PAPOLA: variants seen among roughly 807,000 people sequenced by gnomAD.
PAPOLA encodes poly(A) polymerase alpha, also known as polynucleotide adenylyltransferase alpha.
Under a neutral mutation model 100.6 loss-of-function variants are expected in PAPOLA, and 15 were observed. That is an observed-to-expected ratio of 0.15 (90% CI 0.10 to 0.23). The LOEUF (loss-of-function observed/expected upper bound fraction) is 0.23, where lower values mean the gene tolerates loss of function less well. Among genes scored for constraint, PAPOLA ranks in the 10% least tolerant of loss-of-function variants. The pLI is 1.00. For missense variants in PAPOLA, 533 were observed against 884.2 expected, an observed-to-expected ratio of 0.60 and a Z score of 5.04; for synonymous variants, 293 against 300.0, an observed-to-expected ratio of 0.98 and a Z score of 0.24.
chr14:96,533,474 C>T, intron 9 of PAPOLA: 1 of 983,606 alleles, frequency 1.0e-6, no homozygotes, highest in Non-Finnish European at 1.2e-6. Flanking sequence ...CTTTTCAGTA[C>T]ACATTCTGGC....
chr14:96,562,416 T>C (rs1239543124), intron 20 of PAPOLA: 3 of 152,480 alleles, frequency 2.0e-5, no homozygotes, highest in South Asian at 2.0e-4. Flanking sequence ...TATTTAGTAG[T>C]ATTGAATAAG....
intron 3 of PAPOLA, among the ~76,000 whole-genome samples, chr14:96,523,681 T>C (rs909710864): frequency 6.6e-5 from 10 of 152,124 alleles, no homozygotes; most frequent in African/African-American, 2.2e-4. Flanking sequence ...CGCAGTGGCT[T>C]ACGCCTGTAA....
rs1181125684 is a variant in PAPOLA, at chr14:96,547,815, A to G, written c.1418A>G (p.Asn473Ser). 6.2e-7 allele frequency: 1 copy of G among 1,608,600 alleles called. No individual in the cohort carries two copies. The highest frequency in any genetic ancestry group is 1.1e-5 in the South Asian group (1 of 90,072). The change falls in exon 16 of 22, where the codon AAC (asparagine) becomes AGC (serine). Residue 473 changes from asparagine to serine, a missense_variant. Physicochemically the swap from Asn to Ser is conservative, Grantham distance 46. Coordinates refer to ENST00000216277, the MANE Select transcript of PAPOLA (RefSeq NM_032632.5). The stretch of plus-strand genomic sequence containing the variant: ...TGTATAGTTTATAGGCAAGCAATAA[A>G]CAGCAAGATGTTTGAGGTGGATATG... ...FTDTVYRQAI[N>S]SKMFEVDMKI...
Position 96,520,195 on chromosome 14 carries a change from G to A in PAPOLA, c.149G>A (p.Gly50Glu). Residue 50 changes from glycine (G) to glutamate (E), a missense_variant, in exon 2 of 22, where the codon GGG (glycine) becomes GAG (glutamate). Physicochemically the swap from Gly to Glu is moderately conservative, Grantham distance 98. This residue lies in a region of PAPOLA where 54 missense variants were observed against 133.2 expected (regional missense o/e 0.41). Transcript: ENST00000216277. ...CTAATTGAGACATTGAAACCCTTTG[G>A]GGTTTTTGAAGAGGAAGAGGAACTG... ...QKLIETLKPF[G>E]VFEEEEELQR... 6.2e-7 allele frequency: 1 copy of A among 1,613,654 alleles called. No individual in the cohort carries two copies. Among genetic ancestry groups the A allele is most frequent in the East Asian group, 2.2e-5 (1 of 44,888 alleles).
Position 96,565,273 on chromosome 14 carries a change from A to C in PAPOLA, c.*223A>C, listed in dbSNP as rs528570418. Reference sequence around the variant, plus strand: ...TGTGTTAGCAACAGTTGCATTAACTATTTCAAAAATTACTGCCTTTAAAAA... The same window carrying C: ...TGTGTTAGCAACAGTTGCATTAACTCTTTCAAAAATTACTGCCTTTAAAAA... On this transcript the variant is annotated 3_prime_UTR_variant, in exon 22 of 22. Coordinates refer to ENST00000216277, the MANE Select transcript of PAPOLA (RefSeq NM_032632.5). 9.0e-5 allele frequency: 37 copies of C among 412,566 alleles called. No homozygotes were observed. Among genetic ancestry groups the C allele is most frequent in the African/African-American group, 7.3e-4 (37 of 50,546 alleles). The allele number at this position is 412,566 out of a possible 1,614,324, so 25.6% of individuals were successfully genotyped here. A position where few individuals can be genotyped will look rare whatever the true frequency, so the allele number is the denominator to read the frequency against.
intron 15 of PAPOLA, among the ~76,000 whole-genome samples, chr14:96,545,362 T>C (rs982758702): frequency 6.6e-6 from 1 of 152,068 alleles, no homozygotes; most frequent in Non-Finnish European, 1.5e-5. Flanking sequence ...TTATGTAGAA[T>C]CGCGAGCAGT....
At chr14:96,523,835 C>T (rs954390755) in intron 3 of PAPOLA, among the ~76,000 whole-genome samples, 2 of 151,854 alleles carry the variant, frequency 1.3e-5, no homozygotes, top group African/African-American at 4.8e-5. Flanking sequence ...CCCAGCTACT[C>T]AGGAGGCTGA....
intron 1 of PAPOLA, among the ~76,000 whole-genome samples, chr14:96,511,215 C>A (rs183567194): frequency 1.3e-5 from 2 of 152,274 alleles, no homozygotes; most frequent in East Asian, 3.9e-4. Context: ...GTTCCAAATG[C>A]CTAATATCAC....
intron 19 of PAPOLA, chr14:96,560,360 C>A: frequency 4.6e-6 from 1 of 219,012 alleles, no homozygotes; most frequent in Non-Finnish European, 8.8e-6. Context: ...TTTTTCTTTT[C>A]CTTACAAAAT....
intron 12 of PAPOLA, among the ~76,000 whole-genome samples, chr14:96,540,986 T>A (rs1420648790): frequency 6.6e-6 from 1 of 152,170 alleles, no homozygotes; most frequent in Non-Finnish European, 1.5e-5. Context: ...GCCTCCTGGG[T>A]TCATGCCATT....
At chr14:96,536,943 G>T (rs765160878) in intron 11 of PAPOLA, 33 bp from the exon 12 acceptor site, 1 of 1,169,464 alleles carries the variant, frequency 8.6e-7, no homozygotes, top group Non-Finnish European at 1.3e-6. Context: ...GTAGACTGAA[G>T]TATGCAAACA....
At chr14:96,509,987 A>G (rs1195650353) in intron 1 of PAPOLA, among the ~76,000 whole-genome samples, 2 of 81,466 alleles carry the variant, frequency 2.5e-5, no homozygotes, top group East Asian at 6.5e-4. Context: ...TTTTTTTTTA[A>G]TCTTTGGATT....
intron 19 of PAPOLA, chr14:96,560,342 CTTT>C: frequency 5.1e-6 from 1 of 196,220 alleles, no homozygotes; most frequent in Non-Finnish European, 1.0e-5. Flanking sequence ...ATCAGGAACT[CTTT>C]TTTTTTTTTC....
intron 20 of PAPOLA, 176 bp from the exon 21 acceptor site, chr14:96,562,643 A>G (rs1901949735): frequency 4.5e-6 from 2 of 445,288 alleles, no homozygotes; most frequent in Non-Finnish European, 8.2e-6. Flanking sequence ...AATATCTGAA[A>G]TGGTGAAATA....
chr14:96,529,097 A>G (rs1898761023), intron 6 of PAPOLA, among the ~76,000 whole-genome samples: 1 of 152,216 alleles, frequency 6.6e-6, no homozygotes, highest in Non-Finnish European at 1.5e-5. Context: ...TTAATTTTCT[A>G]TTATACATGC....
intron 5 of PAPOLA, 59 bp from the exon 6 acceptor site, chr14:96,527,894 A>T: frequency 1.7e-6 from 2 of 1,181,938 alleles, no homozygotes; most frequent in Non-Finnish European, 2.5e-6. Flanking sequence ...AAGTACTAAA[A>T]CTAGTAGAGG....
chr14:96,504,036 G>T (rs986657658), intron 1 of PAPOLA, among the ~76,000 whole-genome samples: 1 of 152,158 alleles, frequency 6.6e-6, no homozygotes, highest in Non-Finnish European at 1.5e-5. Context: ...TCTGTTTATT[G>T]ATTTTTCCCT....
At chr14:96,539,220 T>C (rs1425858736) in intron 12 of PAPOLA, among the ~76,000 whole-genome samples, 1 of 152,146 alleles carries the variant, frequency 6.6e-6, no homozygotes, top group Non-Finnish European at 1.5e-5. Context: ...GGAAAACCAA[T>C]GTATTCTCTA....
rs1902261269 is a variant in PAPOLA at position 96,566,252 on chromosome 14, A to G, written c.*1202A>G. 1 of 225,724 alleles carries G rather than the reference A, an allele frequency of 4.4e-6. No individual in the cohort carries two copies. Among genetic ancestry groups the G allele is most frequent in the African/African-American group, 2.2e-5 (1 of 44,526 alleles). 14.0% of individuals were successfully genotyped at this position (225,724 alleles called of 1,614,324 possible). ...TTTTACGTGTAGAAGCATTTTAAAA[A>G]TCATTTCTAGCAAGCACTTGACATC... is the stretch of plus-strand genomic sequence containing the variant. On this transcript the variant is annotated 3_prime_UTR_variant, in exon 22 of 22. Transcript: ENST00000216277.
Sources: gnomAD v4.1 joint callset for allele counts (sites outside exome capture counted in the v4.1 genomes callset) on GRCh38, gnomAD v4.1.1 for gene constraint, gnomAD v4.1.1 regional missense constraint, MANE v1.5 for transcripts, NCBI Gene and HGNC (gene_info 2026-07-23, HGNC 2026-07-21) for gene names.